SLC35F4: variants seen among roughly 807,000 people sequenced by gnomAD.
SLC35F4 encodes the protein chromosome 14 open reading frame 36.
SLC35F4 carries 24 observed loss-of-function variants against 44.2 expected under a neutral mutation model. The ratio of observed to expected loss-of-function variants is 0.54; its 90% CI spans 0.39 to 0.76. SLC35F4 has a LOEUF of 0.76. SLC35F4 is among the 30% of genes least tolerant of loss of function. SLC35F4 has a pLI of 0.00. For synonymous variants in SLC35F4, 238 were observed against 223.6 expected (o/e 1.06, Z -0.57); for missense variants, 562 against 586.1 (o/e 0.96, Z 0.42).
At chr14:57,769,633 C>T (rs1423442987) in intron 1 of SLC35F4, among the ~76,000 whole-genome samples, 1 of 152,080 alleles carries the variant, frequency 6.6e-6, no homozygotes, top group Admixed American at 6.6e-5. Context: ...TGCACAGGCC[C>T]ACAAAGACAG....
At chr14:57,586,095 AACCAAAACAGCATGATACTGGT>A (rs1465055586) in intron 3 of SLC35F4, among the ~76,000 whole-genome samples, 1 of 152,214 alleles carries the variant, frequency 6.6e-6, no homozygotes, top group African/African-American at 2.4e-5. Flanking sequence ...AGGCTACAGT[AACCAAAACAGCATGATACTGGT>A]ACCAAAACAG....
intron 1 of SLC35F4, among the ~76,000 whole-genome samples, chr14:57,971,242 A>T (rs554183365): frequency 6.6e-6 from 1 of 152,350 alleles, no homozygotes; most frequent in South Asian, 2.1e-4. Flanking sequence ...TCCTCTCTTT[A>T]ATAAGATAAA....
intron 1 of SLC35F4, among the ~76,000 whole-genome samples, chr14:57,765,024 T>C (rs533604024): frequency 6.6e-6 from 1 of 152,328 alleles, no homozygotes; most frequent in Admixed American, 6.5e-5. Context: ...ATACATTGAG[T>C]GCCAACTTAA....
At position 57,813,813 on chromosome 14, in the gene SLC35F4, G is replaced by T. The variant is rs564095917; in HGVS notation, c.103+51910C>A. On this transcript the variant is annotated intron_variant, in intron 1 of 7. Coordinates refer to ENST00000556826, the MANE Select transcript of SLC35F4 (RefSeq NM_001306087.2). ...GGGAATCACAGAGACAGGCAGGGCT[G>T]GCTCAGCCGCAGGCCACACCACAGG... Among the ~76,000 whole-genome samples the T allele has an allele frequency of 3.3e-5, 5 of 152,230 alleles. No individual in the cohort carries two copies. The East Asian group carries it at 9.7e-4, about 29-fold the overall frequency.
intron 1 of SLC35F4, among the ~76,000 whole-genome samples, chr14:57,636,908 G>T (rs1043651132): frequency 6.6e-6 from 1 of 152,032 alleles, no homozygotes; most frequent in African/African-American, 2.4e-5. Context: ...ATTATAAAAA[G>T]TGACTCCAAA....
At chr14:57,878,854 A>G in intron 1 of SLC35F4, among the ~76,000 whole-genome samples, 1 of 152,180 alleles carries the variant, frequency 6.6e-6, no homozygotes, top group East Asian at 1.9e-4. Context: ...TATCAAAGAC[A>G]AGTCCTTGGA....
chr14:57,890,478 A>G (rs1888737189), intron 1 of SLC35F4, among the ~76,000 whole-genome samples: 1 of 152,222 alleles, frequency 6.6e-6, no homozygotes. Flanking sequence ...ATGAAAGACA[A>G]ATTATATCCC....
rs187360018 is a variant in SLC35F4, at chr14:57,952,433, T to C, written n.282+29480A>G. ...CAAGGAAACAAAACTGGATGGAGAA[T>C]GAGTTTGACTAATTGGCAGAAGTAG... On this transcript the variant is annotated intron_variant and non_coding_transcript_variant, in intron 1 of 1. Coordinates refer to the SLC35F4 transcript ENST00000556568. 2.1e-3 allele frequency among the ~76,000 whole-genome samples: 323 copies of C among 152,130 alleles called. 1 individual carries two copies. Among genetic ancestry groups the C allele is most frequent in the Non-Finnish European group, 2.1e-3 (143 of 67,998 alleles).
intron 1 of SLC35F4, among the ~76,000 whole-genome samples, chr14:57,939,599 G>T (rs1246625739): frequency 6.6e-6 from 1 of 152,200 alleles, no homozygotes; most frequent in Non-Finnish European, 1.5e-5. Flanking sequence ...GAGCGAGGAA[G>T]GGTAGAAGGC....
intron 1 of SLC35F4, among the ~76,000 whole-genome samples, chr14:57,784,723 AG>A (rs548458059): frequency 1.7e-4 from 26 of 152,270 alleles, no homozygotes; most frequent in South Asian, 1.5e-3. Flanking sequence ...GAAAGAAAAA[AG>A]TCAAACAAAA....
chr14:57,647,284 T>C (rs2073571780), intron 1 of SLC35F4, among the ~76,000 whole-genome samples: 1 of 152,076 alleles, frequency 6.6e-6, no homozygotes, highest in African/African-American at 2.4e-5. Context: ...ACTAAGGACT[T>C]GCTTTATGAA....
chr14:57,666,346 A>G (rs1490226177), intron 1 of SLC35F4, among the ~76,000 whole-genome samples: 2 of 152,050 alleles, frequency 1.3e-5, no homozygotes, highest in Non-Finnish European at 2.9e-5. Flanking sequence ...ACTTCACTGT[A>G]GGTACAACTA....
chr14:57,923,583 T>A (rs1043948725), intron 1 of SLC35F4, among the ~76,000 whole-genome samples: 3 of 152,224 alleles, frequency 2.0e-5, no homozygotes, highest in African/African-American at 4.8e-5. Flanking sequence ...TATAAATCCC[T>A]AGCCAACCAC....
intron 1 of SLC35F4, among the ~76,000 whole-genome samples, chr14:57,711,313 C>A (rs2075812972): frequency 6.6e-6 from 1 of 152,126 alleles, no homozygotes; most frequent in African/African-American, 2.4e-5. Flanking sequence ...CCCAGCCAGG[C>A]AGAACTGTGA....
rs1305129525 is a variant in SLC35F4, at chr14:57,564,368, G to C, written c.1225C>G (p.Leu409Val). The change falls in exon 8 of 8, where the codon CTC becomes GTC. Residue 409 changes from leucine (L) to valine (V), a missense_variant. Transcript: ENST00000556826. ...TTGAATATCACCTCCTGCTTTAGGA[G>C]ATCCACAGCTAGGAAAGAAAAATCA... is the stretch of plus-strand genomic sequence containing the variant. ...LSVPGNAAVD[L>V]LKQEVIFNVV... 2 of 1,604,952 alleles carry C rather than the reference G, an allele frequency of 1.2e-6. No individual in the cohort carries two copies. The highest frequency in any genetic ancestry group is 1.7e-5 in the Admixed American group (1 of 58,692).
At chr14:57,564,438 C>A in intron 7 of SLC35F4, 62 bp from the exon 8 acceptor site, 1 of 1,539,302 alleles carries the variant, frequency 6.5e-7, no homozygotes, top group South Asian at 1.2e-5. Flanking sequence ...GAAAACAAGT[C>A]ACCAAAGTCC....
At chr14:57,635,315 T>C (rs376385618) in intron 1 of SLC35F4, among the ~76,000 whole-genome samples, 68 of 150,254 alleles carry the variant, frequency 4.5e-4, no homozygotes, top group African/African-American at 1.5e-3. Flanking sequence ...TACTGAACAA[T>C]GTAGGAGACA....
chr14:57,787,242 G>C (rs1215822118), intron 1 of SLC35F4, among the ~76,000 whole-genome samples: 1 of 152,108 alleles, frequency 6.6e-6, no homozygotes, highest in Non-Finnish European at 1.5e-5. Context: ...CATGAACAAA[G>C]CCTCTAAGTA....
intron 1 of SLC35F4, among the ~76,000 whole-genome samples, chr14:57,763,671 G>A (rs1402603733): frequency 6.6e-6 from 1 of 152,082 alleles, no homozygotes; most frequent in Non-Finnish European, 1.5e-5. Context: ...TTATGCTTCA[G>A]GTTTACAAAG....
Sources: gnomAD v4.1 joint callset for allele counts (sites outside exome capture counted in the v4.1 genomes callset) on GRCh38, gnomAD v4.1.1 for gene constraint, MANE v1.5 for transcripts, NCBI Gene and HGNC (gene_info 2026-07-23, HGNC 2026-07-21) for gene names.